The following PTPRD variants were observed in gnomAD, a reference collection of about 807,000 sequenced individuals.
The protein encoded by PTPRD is protein tyrosine phosphatase receptor type D.
Under a neutral mutation model 214.5 loss-of-function variants are expected in PTPRD, and 34 were observed. The ratio of observed to expected loss-of-function variants is 0.16; its 90% CI spans 0.12 to 0.21. The LOEUF is 0.21. Among genes scored for constraint, PTPRD ranks in the 10% least tolerant of loss-of-function variants. The pLI, the probability that PTPRD is intolerant of heterozygous loss-of-function variation, is 1.00. For missense variants in PTPRD, 2,545 were observed against 2,398.7 expected, an observed-to-expected ratio of 1.06 and a Z score of -1.27; for synonymous variants, 1,128 against 845.7, an observed-to-expected ratio of 1.33 and a Z score of -5.79.
At chr9:9,682,301 C>T (rs1230679792) in intron 7 of PTPRD, among the ~76,000 whole-genome samples, 1 of 151,734 alleles carries the variant, frequency 6.6e-6, no homozygotes, top group African/African-American at 2.4e-5. Context: ...ATATTGGATC[C>T]TCTTTCCCAT....
intron 42 of PTPRD, 53 bp from the exon 43 acceptor site, chr9:8,339,100 G>A: frequency 1.3e-6 from 2 of 1,514,750 alleles, no homozygotes; most frequent in South Asian, 1.3e-5. Flanking sequence ...AGAACATTCT[G>A]TATATTATCT....
intron 2 of PTPRD, among the ~76,000 whole-genome samples, chr9:10,491,015 G>A (rs946691168): frequency 6.6e-6 from 1 of 151,998 alleles, no homozygotes; most frequent in East Asian, 1.9e-4. Context: ...TAATTTATTT[G>A]CTTTGCAAAA....
chr9:10,593,709 T>C (rs1236319083), intron 2 of PTPRD, among the ~76,000 whole-genome samples: 2 of 152,012 alleles, frequency 1.3e-5, no homozygotes, highest in Non-Finnish European at 2.9e-5. Context: ...GACAACATTT[T>C]TTATCTTGAT....
chr9:8,953,807 C>G (rs1166233954), intron 11 of PTPRD, among the ~76,000 whole-genome samples: 2 of 151,986 alleles, frequency 1.3e-5, no homozygotes, highest in Non-Finnish European at 1.5e-5. Flanking sequence ...TATGCCATCT[C>G]ACACCAGTCA....
chr9:8,674,734 T>C (rs1174074476), intron 12 of PTPRD, among the ~76,000 whole-genome samples: 1 of 152,168 alleles, frequency 6.6e-6, no homozygotes, highest in East Asian at 1.9e-4. Context: ...TAGATTATGA[T>C]TAAGGTACAT....
chr9:10,058,901 T>G (rs1230190725), intron 3 of PTPRD, among the ~76,000 whole-genome samples: 1 of 152,106 alleles, frequency 6.6e-6, no homozygotes, highest in African/African-American at 2.4e-5. Context: ...TAACCTTAAC[T>G]GAGACAGCAC....
intron 3 of PTPRD, among the ~76,000 whole-genome samples, chr9:10,340,192 G>A (rs753754888): frequency 6.6e-6 from 1 of 151,834 alleles, no homozygotes; most frequent in Admixed American, 6.6e-5. Context: ...ATGTCTACCT[G>A]TGATACGGTT....
intron 10 of PTPRD, among the ~76,000 whole-genome samples, chr9:9,040,386 G>C (rs910318881): frequency 1.3e-5 from 2 of 152,152 alleles, no homozygotes; most frequent in Non-Finnish European, 2.9e-5. Context: ...AAGGTGTACT[G>C]TTGTTCTTTA....
chr9:8,459,814 C>T (rs1022116413), intron 33 of PTPRD, among the ~76,000 whole-genome samples: 7 of 152,040 alleles, frequency 4.6e-5, no homozygotes, highest in South Asian at 2.1e-4. Context: ...CCTTTTTGGA[C>T]ACATACACGA....
At chr9:8,646,253 C>T (rs138119079) in intron 12 of PTPRD, among the ~76,000 whole-genome samples, 1 of 152,268 alleles carries the variant, frequency 6.6e-6, no homozygotes, top group African/African-American at 2.4e-5. Flanking sequence ...TGCTTCATCT[C>T]GACAATCAAT....
chr9:8,671,681 T>C (rs992516766), intron 12 of PTPRD, among the ~76,000 whole-genome samples: 1 of 152,156 alleles, frequency 6.6e-6, no homozygotes, highest in Non-Finnish European at 1.5e-5. Flanking sequence ...TAAAGAGGCA[T>C]AGACCTAAAA....
At chr9:8,396,743 G>C (rs1032199780) in intron 36 of PTPRD, among the ~76,000 whole-genome samples, 2 of 152,092 alleles carry the variant, frequency 1.3e-5, no homozygotes, top group Non-Finnish European at 1.5e-5. Context: ...AACAGCACTT[G>C]CTTGGCTACA....
In PTPRD at chr9:9,950,710, G is replaced by A. The variant is rs528953358; in HGVS notation, c.-471-12100C>T. 1.9e-3 allele frequency among the ~76,000 whole-genome samples: 43 copies of A among 22,072 alleles called. 6 individuals carry two copies. Among genetic ancestry groups the A allele is most frequent in the African/African-American group, 4.2e-3 (3 of 706 alleles). The allele number at this position is 22,072 out of a possible 152,430, so 14.5% of individuals were successfully genotyped here. ...ACTGCACTCCAGCCTGGGCGACAGC[G>A]AGACTCCGTCTCAAAAAAAAAAAAA... On this transcript the variant is annotated intron_variant, in intron 4 of 45. Coordinates refer to ENST00000381196, the MANE Select transcript of PTPRD (RefSeq NM_002839.4).
At chr9:8,659,973 T>C (rs773773832) in intron 12 of PTPRD, among the ~76,000 whole-genome samples, 18 of 152,220 alleles carry the variant, frequency 1.2e-4, no homozygotes, top group Non-Finnish European at 1.5e-5. Flanking sequence ...ATATCATACC[T>C]ATTATAAGAA....
At chr9:9,088,224 G>A (rs1330550700) in intron 10 of PTPRD, among the ~76,000 whole-genome samples, 1 of 151,184 alleles carries the variant, frequency 6.6e-6, no homozygotes, top group Non-Finnish European at 1.5e-5. Flanking sequence ...TTCTTCCCTT[G>A]AACCTGCCAG....
chr9:9,020,728 T>C (rs112924313), intron 10 of PTPRD, among the ~76,000 whole-genome samples: 2,531 of 152,288 alleles, frequency 0.017, 38 homozygotes, highest in Middle Eastern at 0.034. Flanking sequence ...AGCCAGAGGA[T>C]AAGTCTGAGT....
chr9:9,842,675 T>TC (rs2058621386), intron 5 of PTPRD, among the ~76,000 whole-genome samples: 1 of 152,002 alleles, frequency 6.6e-6, no homozygotes, highest in Non-Finnish European at 1.5e-5. Context: ...AAGTTGTTTT[T>TC]TTTTTTTTTC....
intron 9 of PTPRD, among the ~76,000 whole-genome samples, chr9:9,326,778 A>G (rs1345529596): frequency 6.6e-6 from 1 of 152,092 alleles, no homozygotes; most frequent in Non-Finnish European, 1.5e-5. Flanking sequence ...TAGAGGGGAA[A>G]AAAAAGGTAT....
intron 2 of PTPRD, among the ~76,000 whole-genome samples, chr9:10,593,382 T>C (rs1179372512): frequency 1.3e-5 from 2 of 152,080 alleles, no homozygotes; most frequent in East Asian, 3.9e-4. Context: ...CATAAAGAAA[T>C]AAAATATTGG....
Sources: allele counts gnomAD v4.1 joint callset (sites outside exome capture counted in the v4.1 genomes callset), GRCh38; gene constraint gnomAD v4.1.1; transcripts MANE v1.5; gene names NCBI Gene and HGNC (gene_info 2026-07-23, HGNC 2026-07-21).